Variants in SF3B1 observed in about 807,000 individuals in gnomAD.
SF3B1 encodes splicing factor 3b subunit 1.
In SF3B1, 12 loss-of-function variants were observed where a neutral mutation model predicts 153.8. The ratio of observed to expected loss-of-function variants is 0.08; its 90% confidence interval spans 0.05 to 0.13. The LOEUF is 0.13. SF3B1 is among the 10% of genes least tolerant of loss of function. The pLI, the probability that SF3B1 is intolerant of heterozygous loss-of-function variation, is 1.00. For synonymous variants in SF3B1, 498 were observed against 525.2 expected (o/e 0.95, Z 0.71); for missense variants, 513 against 1,606.1 (o/e 0.32, Z 11.63).
chr2:197,418,734 TCTTA>T (rs1290491848), intron 4 of SF3B1, 146 bp from the exon 5 acceptor site: 9 of 1,451,338 alleles, frequency 6.2e-6, no homozygotes, highest in African/African-American at 4.3e-5. Flanking sequence ...TAATTATACA[TCTTA>T]CTTTTTATTG....
Position 197,402,205 on chromosome 2 carries a change from A to C in SF3B1, c.2078-75T>G. The stretch of plus-strand genomic sequence containing the variant: ...ACACAATATCATCCAGATTCTCTCA[A>C]TATATCAACTATTCAGCCAAACTGC... On this transcript the variant is annotated intron_variant, in intron 14 of 24. Transcript: ENST00000335508. This position sits in a 1 kb window ranked among gnomAD's most constrained non-coding sequence, Gnocchi z 4.6. The C allele has an allele frequency of 6.6e-7, 1 of 1,515,006 alleles. No individual in the cohort carries two copies. Among genetic ancestry groups the C allele is most frequent in the Non-Finnish European group, 8.9e-7 (1 of 1,126,760 alleles). 93.8% of individuals were successfully genotyped at this position (1,515,006 alleles called of 1,614,324 possible).
At chr2:197,421,213 T>C in intron 2 of SF3B1, 80 bp from the exon 3 acceptor site, 1 of 929,506 alleles carries the variant, frequency 1.1e-6, no homozygotes. Flanking sequence ...AGATTCAAAA[T>C]GAAATCAAAA....
At chr2:197,422,853 G>T (rs1359972823) in intron 2 of SF3B1, among the ~76,000 whole-genome samples, 1 of 151,510 alleles carries the variant, frequency 6.6e-6, no homozygotes, top group Non-Finnish European at 1.5e-5. Context: ...TTGCACCACT[G>T]CATTCCAGCC....
intron 9 of SF3B1, 155 bp downstream of exon 9, chr2:197,407,843 C>T (rs2085014821): frequency 1.7e-6 from 1 of 604,022 alleles, no homozygotes; most frequent in Middle Eastern, 3.0e-4. Context: ...TTCTTTTCAT[C>T]TCTATATGGA....
chr2:197,419,021 C>G, intron 4 of SF3B1: 1 of 1,265,212 alleles, frequency 7.9e-7, no homozygotes, highest in South Asian at 1.3e-5. Context: ...TTACCTGTTG[C>G]AAGCTGTTAA....
rs1373861706 is a variant in SF3B1, at chr2:197,391,050, A to T, written c.*1253T>A. On this transcript the variant is annotated 3_prime_UTR_variant, in exon 25 of 25. Transcript: ENST00000335508. ...AGAAGTACTACCACATGGAGACAAAACAAAACAGTAAAAATAGTATAGGTA... is the reference window on the plus strand; with the variant it reads ...AGAAGTACTACCACATGGAGACAAATCAAAACAGTAAAAATAGTATAGGTA... 6.6e-6 allele frequency: 1 copy of T among 152,202 alleles called. No individual in the cohort carries two copies. Among genetic ancestry groups the T allele is most frequent in the African/African-American group, 2.4e-5 (1 of 41,446 alleles). The allele number at this position is 152,202 out of a possible 1,614,324, so 9.4% of individuals were successfully genotyped here.
chr2:197,434,916 A>C, intron 1 of SF3B1, 56 bp downstream of exon 1: 2 of 1,559,972 alleles, frequency 1.3e-6, no homozygotes, highest in Non-Finnish European at 1.8e-6. Context: ...CTAGGAAAAA[A>C]GGCTTTTATT....
chr2:197,422,745 C>A (rs1185058749), intron 2 of SF3B1, among the ~76,000 whole-genome samples: 1 of 151,990 alleles, frequency 6.6e-6, no homozygotes, highest in Admixed American at 6.6e-5. Flanking sequence ...AAAAAATTAG[C>A]CGGACTTGGT....
chr2:197,410,147 A>G (rs974669248), intron 6 of SF3B1, 140 bp from the exon 7 acceptor site: 6 of 576,692 alleles, frequency 1.0e-5, no homozygotes, highest in Non-Finnish European at 1.8e-5. Context: ...CACTACCTCT[A>G]CTTATAGGAA....
Position 197,400,240 on chromosome 2 carries a change from G to A in SF3B1, c.2901+12C>T, listed in dbSNP as rs903481269. 1 of 1,612,496 alleles carries A rather than the reference G, an allele frequency of 6.2e-7. No homozygotes were observed. Reference sequence around the variant, plus strand: ...TTTGGGGAAGAAGTAAGAATTTGATGCAAAAGTTTACCTCTTGACAAGTCT... The same window carrying A: ...TTTGGGGAAGAAGTAAGAATTTGATACAAAAGTTTACCTCTTGACAAGTCT... On this transcript the variant is annotated intron_variant, in intron 19 of 24. Coordinates refer to ENST00000335508, the MANE Select transcript of SF3B1 (RefSeq NM_012433.4). This position sits in a 1 kb window ranked among gnomAD's most constrained non-coding sequence, Gnocchi z 5.0.
rs773950444 is a variant in SF3B1, at chr2:197,401,953, A to T, written c.2223+32T>A. Reference sequence around the variant, plus strand: ...GATTTATGTCGCCTTAACTTTAATGAAGATAAATCAAAAGGTAATTGGTGG... The same window carrying T: ...GATTTATGTCGCCTTAACTTTAATGTAGATAAATCAAAAGGTAATTGGTGG... On this transcript the variant is annotated intron_variant, in intron 15 of 24. Transcript: ENST00000335508. The surrounding 1 kb of genome is among the most constrained non-coding windows in gnomAD (Gnocchi z 4.2). The T allele has an allele frequency of 6.2e-7, 1 of 1,602,084 alleles. No homozygotes were observed. Among genetic ancestry groups the T allele is most frequent in the Non-Finnish European group, 8.5e-7 (1 of 1,176,780 alleles).
At chr2:197,405,605 G>T in intron 9 of SF3B1, 133 bp from the exon 10 acceptor site, 1 of 644,876 alleles carries the variant, frequency 1.6e-6, no homozygotes, top group Non-Finnish European at 2.7e-6. Flanking sequence ...CATCTATCTT[G>T]CTTTTCTATC....
At chr2:197,426,911 A>G (rs2085345314) in intron 1 of SF3B1, among the ~76,000 whole-genome samples, 1 of 152,172 alleles carries the variant, frequency 6.6e-6, no homozygotes, top group African/African-American at 2.4e-5. Context: ...TGCACACTAC[A>G]CATATTGTGC....
At chr2:197,435,046 C>A, upstream of SF3B1, 1 of 1,613,980 alleles carries the variant, frequency 6.2e-7, no homozygotes, top group Non-Finnish European at 8.5e-7. Context: ...CCAAGAACTT[C>A]CGCTCGTCGC....
At chr2:197,418,480 C>T in intron 5 of SF3B1, 29 bp downstream of exon 5, 1 of 1,522,578 alleles carries the variant, frequency 6.6e-7, no homozygotes, top group African/African-American at 1.4e-5. Flanking sequence ...TCTTTCACAA[C>T]CATTAAAACA....
At chr2:197,418,028 G>A (rs2085178724) in intron 5 of SF3B1, among the ~76,000 whole-genome samples, 2 of 151,586 alleles carry the variant, frequency 1.3e-5, no homozygotes, top group South Asian at 4.2e-4. Context: ...CTGAGGTCAG[G>A]AGTTTGAGAC....
At chr2:197,392,547 C>G (rs962265855) in intron 24 of SF3B1, 86 bp from the exon 25 acceptor site, 10 of 234,860 alleles carry the variant, frequency 4.3e-5, no homozygotes, top group Admixed American at 7.0e-5. Context: ...AGATATGATT[C>G]AAAATTATTT....
intron 1 of SF3B1, among the ~76,000 whole-genome samples, chr2:197,426,892 T>C (rs1370087263): frequency 6.6e-6 from 1 of 152,204 alleles, no homozygotes; most frequent in African/African-American, 2.4e-5. Flanking sequence ...GGTGCTGTTT[T>C]ATAAAAACTG....
At chr2:197,421,281 GTCT>G (rs1462533435) in intron 2 of SF3B1, 148 bp from the exon 3 acceptor site, 1 of 536,860 alleles carries the variant, frequency 1.9e-6, no homozygotes, top group Non-Finnish European at 3.3e-6. Flanking sequence ...AACACAATTG[GTCT>G]TCTTTCACTT....
Sources: gnomAD v4.1 joint callset for allele counts (sites outside exome capture counted in the v4.1 genomes callset) on GRCh38, gnomAD v4.1.1 for gene constraint, Gnocchi (gnomAD v3.1) non-coding constraint, MANE v1.5 for transcripts, NCBI Gene and HGNC (gene_info 2026-07-23, HGNC 2026-07-21) for gene names.